P2RY2: variants seen among roughly 807,000 people sequenced by gnomAD.
The protein encoded by P2RY2 is P2Y purinoceptor 2.
For missense variants in P2RY2, 567 were observed against 515.7 expected (o/e 1.10, Z -0.96); for synonymous variants, 241 against 231.9 (o/e 1.04, Z -0.35).
In P2RY2 at chr11:73,236,799, AT is replaced by A; in HGVS notation, c.*1507del. ...TGCTCAGGCTGGGTCAGGACTTAGT[AT>A]GGGGGAGATGGGTCTCACCTATGAT... On this transcript the variant is annotated 3_prime_UTR_variant, in exon 3 of 3. Transcript: ENST00000393597. 1 of 985,408 alleles carries A rather than the reference AT, an allele frequency of 1.0e-6. No homozygotes were observed. The highest frequency in any genetic ancestry group is 1.2e-6 in the Non-Finnish European group (1 of 829,918). The allele number at this position is 985,408 out of a possible 1,614,324, so 61.0% of individuals were successfully genotyped here.
rs536201111 is a variant in P2RY2, at chr11:73,221,772, C to T, written c.-200+3340C>T. Among the ~76,000 whole-genome samples the T allele has an allele frequency of 4.6e-5, 7 of 152,306 alleles. No individual in the cohort carries two copies. In the East Asian group the frequency reaches 1.4e-3, roughly 29 times the overall value. ...AGGCTGGCTGTGTGGGCCACTCTGA[C>T]CTCTGTACTCATCCAGCGGCCAGTT... On this transcript the variant is annotated intron_variant, in intron 1 of 2. Coordinates refer to ENST00000393597, the MANE Select transcript of P2RY2 (RefSeq NM_002564.4).
Position 73,238,858 on chromosome 11 carries a change from A to G in P2RY2, c.*3565A>G, listed in dbSNP as rs1315770997. ...GGGTCTATAAGTGGCCCCTCGCATGATTCAAGATGACAGAGGCAGTGTAGC... is the reference window on the plus strand; with the variant it reads ...GGGTCTATAAGTGGCCCCTCGCATGGTTCAAGATGACAGAGGCAGTGTAGC... On this transcript the variant is annotated 3_prime_UTR_variant, in exon 3 of 3. Transcript: ENST00000393597. 1 of 152,224 alleles carries G rather than the reference A, an allele frequency of 6.6e-6. No individual in the cohort carries two copies. The highest frequency in any genetic ancestry group is 1.5e-5 in the Non-Finnish European group (1 of 68,052). 9.4% of individuals were successfully genotyped at this position (152,224 alleles called of 1,614,324 possible).
At position 73,236,075 on chromosome 11, in the gene P2RY2, A is replaced by T. The variant is rs906233950; in HGVS notation, c.*782A>T. 4.6e-5 allele frequency: 46 copies of T among 996,964 alleles called. No individual in the cohort carries two copies. Among genetic ancestry groups the T allele is most frequent in the Non-Finnish European group, 5.4e-5 (45 of 827,206 alleles). 61.8% of individuals were successfully genotyped at this position (996,964 alleles called of 1,614,324 possible). A position where few individuals can be genotyped will look rare whatever the true frequency, so the allele number is the denominator to read the frequency against. ...TCTCAGGAGTAGTCTCATATCAGGG[A>T]TCCTCTCTCCAGGCCCCAGGTCATC... On this transcript the variant is annotated 3_prime_UTR_variant, in exon 3 of 3. Coordinates refer to ENST00000393597, the MANE Select transcript of P2RY2 (RefSeq NM_002564.4).
At position 73,236,305 on chromosome 11, in the gene P2RY2, T is replaced by G; in HGVS notation, c.*1012T>G. On this transcript the variant is annotated 3_prime_UTR_variant, in exon 3 of 3. Transcript: ENST00000393597. ...GCCCATTTCCATGGTGCAAAAACTC[T>G]TATGGCCAAATTCAAACTATAAACA... is the stretch of plus-strand genomic sequence containing the variant. 1 of 494,198 alleles carries G rather than the reference T, an allele frequency of 2.0e-6. No individual in the cohort carries two copies. The highest frequency in any genetic ancestry group is 2.7e-6 in the Non-Finnish European group (1 of 367,084). 30.6% of individuals were successfully genotyped at this position (494,198 alleles called of 1,614,324 possible).
chr11:73,229,480 C>T (rs1404411971), intron 2 of P2RY2, among the ~76,000 whole-genome samples: 2 of 152,042 alleles, frequency 1.3e-5, no homozygotes, highest in Non-Finnish European at 2.9e-5. Context: ...AGGGAGGGGG[C>T]TGGGGACTTG....
Position 73,229,539 on chromosome 11 carries a change from GAT to G in P2RY2, c.-5+1368_-5+1369del, listed in dbSNP as rs1862386979. On this transcript the variant is annotated intron_variant, in intron 2 of 2. Transcript: ENST00000393597. ...GTCCCTCTAAGGCAGGGCTAGGAAA[GAT>G]ATACTCACAGGTTGGTGAGCCAGCC... is the stretch of plus-strand genomic sequence containing the variant. Among the ~76,000 whole-genome samples the G allele has an allele frequency of 2.6e-5, 4 of 152,110 alleles. No individual in the cohort carries two copies. The South Asian group carries it at 8.3e-4, about 32-fold the overall frequency.
In P2RY2 at chr11:73,235,255, C is replaced by A. The variant is rs769478974; in HGVS notation, c.1096C>A (p.Pro366Thr). 1 of 1,589,276 alleles carries A rather than the reference C, an allele frequency of 6.3e-7. No individual in the cohort carries two copies. The highest frequency in any genetic ancestry group is 1.1e-5 in the South Asian group (1 of 87,642). Residue 366 changes from proline to threonine, a missense_variant, in exon 3 of 3, where the codon CCG becomes ACG. By Grantham distance (38) the Pro-to-Thr change is conservative (BLOSUM62 -1). Coordinates refer to ENST00000393597, the MANE Select transcript of P2RY2 (RefSeq NM_002564.4). ...SEDSRRTEST[P>T]AGSENTKDIR... ...GGACTCTAGGCGGACAGAGTCCACG[C>A]CGGCTGGTAGCGAGAACACTAAGGA...
Position 73,241,781 on chromosome 11 carries a change from A to G in P2RY2, c.*6488A>G, listed in dbSNP as rs1862779523. On this transcript the variant is annotated 3_prime_UTR_variant, in exon 3 of 3. Coordinates refer to ENST00000393597, the MANE Select transcript of P2RY2 (RefSeq NM_002564.4). Reference sequence around the variant, plus strand: ...GTGATGCTACAGCCCTCTCTTGCTGACCTTGCTTCCTGGGCCATCAGTGCC... The same window carrying G: ...GTGATGCTACAGCCCTCTCTTGCTGGCCTTGCTTCCTGGGCCATCAGTGCC... The G allele has an allele frequency of 6.6e-6, 1 of 152,276 alleles. No individual in the cohort carries two copies. 9.4% of individuals were successfully genotyped at this position (152,276 alleles called of 1,614,324 possible).
In P2RY2 at chr11:73,218,304, G is replaced by A. The variant is rs1862020349; in HGVS notation, c.-328G>A. ...GGCCCGGCTTCGGGGTTGGGGAACA[G>A]CGCAGGGAGGTGGGTAGCCGGGCTC... On this transcript the variant is annotated 5_prime_UTR_variant, in exon 1 of 3. Coordinates refer to ENST00000393597, the MANE Select transcript of P2RY2 (RefSeq NM_002564.4). The A allele has an allele frequency of 6.6e-6, 1 of 152,468 alleles. No individual in the cohort carries two copies. The highest frequency in any genetic ancestry group is 6.5e-5 in the Admixed American group (1 of 15,288). The allele number at this position is 152,468 out of a possible 1,614,324, so 9.4% of individuals were successfully genotyped here.
rs1368067262 is a variant in P2RY2 at position 73,237,019 on chromosome 11, C to T, written c.*1726C>T. On this transcript the variant is annotated 3_prime_UTR_variant, in exon 3 of 3. Coordinates refer to ENST00000393597, the MANE Select transcript of P2RY2 (RefSeq NM_002564.4). ...CCACTCTGCCTGCCCCCTCTGACCT[C>T]TCCACCCTTCCCACTCTGCCTTGTG... 2.0e-6 allele frequency: 2 copies of T among 985,226 alleles called. No individual in the cohort carries two copies. Among genetic ancestry groups the T allele is most frequent in the East Asian group, 1.1e-4 (1 of 8,804 alleles). The allele number at this position is 985,226 out of a possible 1,614,324, so 61.0% of individuals were successfully genotyped here.
rs775019164 is a variant in P2RY2 at position 73,234,750 on chromosome 11, C to G, written c.591C>G (p.Ala197=). The G allele has an allele frequency of 1.2e-6, 2 of 1,610,944 alleles. No homozygotes were observed. Among genetic ancestry groups the G allele is most frequent in the African/African-American group, 2.7e-5 (2 of 74,952 alleles). ...SAPELFSRFV[A]YSSVMLGLLF... is the part of the protein sequence containing the mutation. ...CCGAGCTCTTCAGCCGCTTCGTGGC[C>G]TACAGCTCAGTCATGCTGGGCCTGC... is the stretch of plus-strand genomic sequence containing the variant. The change falls in exon 3 of 3, where the codon GCC becomes GCG. Residue 197 remains alanine, a synonymous_variant. Coordinates refer to ENST00000393597, the MANE Select transcript of P2RY2 (RefSeq NM_002564.4).
Position 73,238,835 on chromosome 11 carries a change from G to A in P2RY2, c.*3542G>A, listed in dbSNP as rs1181462349. 1.3e-5 allele frequency: 2 copies of A among 152,234 alleles called. No homozygotes were observed. The highest frequency in any genetic ancestry group is 6.5e-5 in the Admixed American group (1 of 15,284). 9.4% of individuals were successfully genotyped at this position (152,234 alleles called of 1,614,324 possible). ...ACTCACAGCCCTGCAGGGCAGAAGG[G>A]TCTATAAGTGGCCCCTCGCATGATT... On this transcript the variant is annotated 3_prime_UTR_variant, in exon 3 of 3. Transcript: ENST00000393597.
chr11:73,238,834 G>T lies in P2RY2; in HGVS notation c.*3541G>T, dbSNP rs1011431345. The T allele has an allele frequency of 6.6e-6, 1 of 152,208 alleles. No individual in the cohort carries two copies. Among genetic ancestry groups the T allele is most frequent in the Admixed American group, 6.5e-5 (1 of 15,280 alleles). 9.4% of individuals were successfully genotyped at this position (152,208 alleles called of 1,614,324 possible). A position where few individuals can be genotyped will look rare whatever the true frequency, so the allele number is the denominator to read the frequency against. On this transcript the variant is annotated 3_prime_UTR_variant, in exon 3 of 3. Transcript: ENST00000393597. Reference sequence around the variant, plus strand: ...CACTCACAGCCCTGCAGGGCAGAAGGGTCTATAAGTGGCCCCTCGCATGAT... The same window carrying T: ...CACTCACAGCCCTGCAGGGCAGAAGTGTCTATAAGTGGCCCCTCGCATGAT...
In P2RY2 at chr11:73,235,411, C is replaced by T; in HGVS notation, c.*118C>T. The T allele has an allele frequency of 1.4e-6, 2 of 1,464,568 alleles. No homozygotes were observed. The highest frequency in any genetic ancestry group is 1.8e-6 in the Non-Finnish European group (2 of 1,108,236). 90.7% of individuals were successfully genotyped at this position (1,464,568 alleles called of 1,614,324 possible). On this transcript the variant is annotated 3_prime_UTR_variant, in exon 3 of 3. Transcript: ENST00000393597. ...ATCAGTGACTCATGCTGGATGACCC[C>T]ATGCTCCGTCATTTGACAGGGGCTC...
intron 1 of P2RY2, among the ~76,000 whole-genome samples, chr11:73,226,522 G>T (rs942414623): frequency 6.6e-6 from 1 of 152,034 alleles, no homozygotes; most frequent in African/African-American, 2.4e-5. Flanking sequence ...CCGTACCCAA[G>T]CTATTCCTGC....
At chr11:73,230,213 T>C (rs1046474201) in intron 2 of P2RY2, among the ~76,000 whole-genome samples, 17 of 151,878 alleles carry the variant, frequency 1.1e-4, no homozygotes, top group Non-Finnish European at 1.8e-4. Flanking sequence ...CCTGTGCCCA[T>C]CCCCATACTT....
rs545041678 is a variant in P2RY2 at position 73,224,194 on chromosome 11, C to G, written c.-199-3787C>G. Among the ~76,000 whole-genome samples, 3 of 152,356 alleles carry G rather than the reference C, an allele frequency of 2.0e-5. No homozygotes were observed. In the East Asian group the frequency reaches 5.8e-4, roughly 29 times the overall value. On this transcript the variant is annotated intron_variant, in intron 1 of 2. Transcript: ENST00000393597. ...CATGTCAGGCAAGGCAGGGGGCCTG[C>G]TGGCTTTCAGCCCCTTGAAGGACAT...
Position 73,236,645 on chromosome 11 carries a change from GC to G in P2RY2, c.*1354del. ...AGGGTTGGGGCTGGGTCACAAGGAG[GC>G]CAAGTTAGGGCTCCCTCCTTGCCCT... On this transcript the variant is annotated 3_prime_UTR_variant, in exon 3 of 3. Coordinates refer to ENST00000393597, the MANE Select transcript of P2RY2 (RefSeq NM_002564.4). 1.0e-6 allele frequency: 1 copy of G among 985,402 alleles called. No homozygotes were observed. Among genetic ancestry groups the G allele is most frequent in the Non-Finnish European group, 1.2e-6 (1 of 829,922 alleles). The allele number at this position is 985,402 out of a possible 1,614,324, so 61.0% of individuals were successfully genotyped here.
At position 73,236,511 on chromosome 11, in the gene P2RY2, C is replaced by A. The variant is rs1862657057; in HGVS notation, c.*1218C>A. On this transcript the variant is annotated 3_prime_UTR_variant, in exon 3 of 3. Transcript: ENST00000393597. ...TGTAGCTTCTGAGAAAAGCAGCTCA[C>A]CGGAAGAACATCCACACACAGGATG... 5 of 969,886 alleles carry A rather than the reference C, an allele frequency of 5.2e-6. No individual in the cohort carries two copies. Among genetic ancestry groups the A allele is most frequent in the Non-Finnish European group, 6.1e-6 (5 of 815,920 alleles). 60.1% of individuals were successfully genotyped at this position (969,886 alleles called of 1,614,324 possible).
Sources: gnomAD v4.1 joint callset for allele counts (sites outside exome capture counted in the v4.1 genomes callset) on GRCh38, gnomAD v4.1.1 for gene constraint, MANE v1.5 for transcripts, NCBI Gene and HGNC (gene_info 2026-07-23, HGNC 2026-07-21) for gene names.